FAM163A: variants seen among roughly 807,000 people sequenced by gnomAD.
The protein encoded by FAM163A is protein FAM163A.
In FAM163A, 7 loss-of-function variants were observed where a neutral mutation model predicts 12.0. That is an observed-to-expected ratio of 0.58 (90% CI 0.33 to 1.10). The LOEUF (loss-of-function observed/expected upper bound fraction) is 1.10, where lower values mean the gene tolerates loss of function less well. FAM163A is among the 50% of genes least tolerant of loss of function. FAM163A has a pLI of 0.03. For missense variants in FAM163A, 202 were observed against 218.6 expected (o/e 0.92, Z 0.48); for synonymous variants, 101 against 91.0 (o/e 1.11, Z -0.62).
chr1:179,773,811 G>A (rs1196962171), intron 1 of FAM163A, among the ~76,000 whole-genome samples: 2 of 152,206 alleles, frequency 1.3e-5, no homozygotes, highest in Non-Finnish European at 2.9e-5. Flanking sequence ...CACCCATATG[G>A]CCCTGAAGAG....
upstream of FAM163A, among the ~76,000 whole-genome samples, chr1:179,739,926 T>G (rs1274053764): frequency 6.6e-6 from 1 of 152,202 alleles, no homozygotes; most frequent in African/African-American, 2.4e-5. Context: ...CTGCCAAGGT[T>G]GTGGAGAAGC....
At chr1:179,752,609 C>T (rs1685446765) in intron 1 of FAM163A, among the ~76,000 whole-genome samples, 1 of 151,824 alleles carries the variant, frequency 6.6e-6, no homozygotes, top group African/African-American at 2.4e-5. Context: ...AATAGCAAAA[C>T]ACAAGCCATT....
chr1:179,750,238 AG>A (rs1432538127), intron 1 of FAM163A, among the ~76,000 whole-genome samples: 1 of 152,226 alleles, frequency 6.6e-6, no homozygotes, highest in Non-Finnish European at 1.5e-5. Context: ...TGTTGGAGGC[AG>A]GGGGATAGGA....
At chr1:179,760,475 G>A (rs747944836) in intron 1 of FAM163A, among the ~76,000 whole-genome samples, 36 of 152,192 alleles carry the variant, frequency 2.4e-4, no homozygotes, top group Non-Finnish European at 4.7e-4. Context: ...AACTGAGAAG[G>A]TGACACCTAA....
chr1:179,805,794 T>A (rs1693853012), intron 1 of FAM163A, among the ~76,000 whole-genome samples: 1 of 152,206 alleles, frequency 6.6e-6, no homozygotes, highest in African/African-American at 2.4e-5. Context: ...TTAGAGAAAC[T>A]TAAAACTGGC....
intron 1 of FAM163A, among the ~76,000 whole-genome samples, chr1:179,752,842 T>TG (rs983822396): frequency 1.3e-5 from 2 of 152,092 alleles, no homozygotes; most frequent in Non-Finnish European, 2.9e-5. Context: ...GCACTGTTTG[T>TG]GGGGGGGATG....
chr1:179,802,811 A>G (rs886508798), intron 1 of FAM163A, among the ~76,000 whole-genome samples: 5 of 152,160 alleles, frequency 3.3e-5, no homozygotes, highest in Admixed American at 1.3e-4. Flanking sequence ...TCTTGAATTA[A>G]TAATGAGTTG....
At chr1:179,813,698 G>A in intron 4 of FAM163A, 81 bp from the exon 5 acceptor site, 1 of 1,517,808 alleles carries the variant, frequency 6.6e-7, no homozygotes, top group South Asian at 1.2e-5. Context: ...GCAGGGGACA[G>A]GGGCACCTGT....
chr1:179,732,880 CAAAA>C, the FAM163A span, among the ~76,000 whole-genome samples: 2 of 39,132 alleles, frequency 5.1e-5, no homozygotes, highest in Admixed American at 4.2e-4. Flanking sequence ...GACTCTGCCT[CAAAA>C]AAAAAAAAAA....
chr1:179,778,922 A>G (rs1689349353), intron 1 of FAM163A, among the ~76,000 whole-genome samples: 1 of 152,184 alleles, frequency 6.6e-6, no homozygotes, highest in Admixed American at 6.5e-5. Context: ...CTAGACTCAC[A>G]GGGTTTGGGA....
At chr1:179,734,723 G>C in the FAM163A span, among the ~76,000 whole-genome samples, 2 of 152,162 alleles carry the variant, frequency 1.3e-5, no homozygotes, top group South Asian at 4.1e-4. Flanking sequence ...TTTCAACATA[G>C]AATTTAGGTA....
At chr1:179,788,748 C>T (rs866230826) in intron 1 of FAM163A, among the ~76,000 whole-genome samples, 2 of 152,288 alleles carry the variant, frequency 1.3e-5, no homozygotes, top group Middle Eastern at 3.4e-3. Context: ...TGCAGGGTTG[C>T]AGCTTTGCGG....
intron 1 of FAM163A, among the ~76,000 whole-genome samples, chr1:179,768,264 G>GT (rs910376511): frequency 6.6e-6 from 1 of 151,982 alleles, no homozygotes; most frequent in East Asian, 1.9e-4. Context: ...TTCCTCAGAA[G>GT]TTTTTTTTAA....
At chr1:179,734,743 T>C in the FAM163A span, among the ~76,000 whole-genome samples, 2 of 152,184 alleles carry the variant, frequency 1.3e-5, no homozygotes, top group African/African-American at 4.8e-5. Context: ...AGGGGGTACA[T>C]AAACATAAAC....
intron 1 of FAM163A, among the ~76,000 whole-genome samples, chr1:179,769,099 A>G (rs1010693696): frequency 4.6e-5 from 7 of 152,162 alleles, no homozygotes; most frequent in Non-Finnish European, 7.3e-5. Flanking sequence ...GGGGCTCATT[A>G]TACCATTCTC....
At chr1:179,766,546 T>C (rs1687524506) in intron 1 of FAM163A, among the ~76,000 whole-genome samples, 1 of 152,268 alleles carries the variant, frequency 6.6e-6, no homozygotes, top group African/African-American at 2.4e-5. Flanking sequence ...TGGGTCTTCA[T>C]TCTGAAGGCT....
chr1:179,802,006 T>A (rs1011364050), intron 1 of FAM163A, among the ~76,000 whole-genome samples: 5 of 152,218 alleles, frequency 3.3e-5, no homozygotes, highest in Non-Finnish European at 7.3e-5. Context: ...CAGCATTTAG[T>A]CAATCCTGGA....
chr1:179,785,766 T>C (rs968233617), intron 1 of FAM163A, among the ~76,000 whole-genome samples: 3 of 152,142 alleles, frequency 2.0e-5, no homozygotes, highest in Non-Finnish European at 4.4e-5. Context: ...ATTTAAAGAG[T>C]GTCATTTACT....
chr1:179,728,674 A>G, the FAM163A span, among the ~76,000 whole-genome samples: 2 of 152,294 alleles, frequency 1.3e-5, no homozygotes, highest in African/African-American at 4.8e-5. Flanking sequence ...TCATTTGCTC[A>G]GTGTCTGCCA....
Sources: gnomAD v4.1 joint callset for allele counts (sites outside exome capture counted in the v4.1 genomes callset) on GRCh38, gnomAD v4.1.1 for gene constraint, MANE v1.5 for transcripts, NCBI Gene and HGNC (gene_info 2026-07-23, HGNC 2026-07-21) for gene names.